BPGM: variants seen among roughly 807,000 people sequenced by gnomAD.
BPGM encodes 2,3-bisphosphoglycerate mutase, erythrocyte.
BPGM carries 15 observed loss-of-function variants against 21.6 expected under a neutral mutation model. The ratio of observed to expected loss-of-function variants is 0.70; its 90% CI spans 0.47 to 1.07. BPGM has a LOEUF of 1.07. Ranked by LOEUF, BPGM falls within the 50% of genes least tolerant of loss-of-function variation. BPGM has a pLI of 0.00. For missense variants in BPGM, 273 were observed against 319.0 expected (o/e 0.86, Z 1.10); for synonymous variants, 113 against 116.2 (o/e 0.97, Z 0.18).
Position 134,661,843 on chromosome 7 carries a change from G to T in BPGM, c.336G>T (p.Val112=). 1 of 1,608,230 alleles carries T rather than the reference G, an allele frequency of 6.2e-7. No individual in the cohort carries two copies. The highest frequency in any genetic ancestry group is 8.5e-7 in the Non-Finnish European group (1 of 1,176,466). Residue 112 remains valine (V), a synonymous_variant, in exon 2 of 3, where the codon GTG becomes GTT. Coordinates refer to ENST00000344924, the MANE Select transcript of BPGM (RefSeq NM_001724.5). This position sits in a 1 kb window ranked among gnomAD's most constrained non-coding sequence, Gnocchi z 4.6. ...QMALNHGEEQ[V]RLWRRSYNVT... ...CTTTGAATCATGGTGAAGAACAAGTGAGGCTCTGGAGAAGAAGCTACAATG... is the reference window on the plus strand; with the variant it reads ...CTTTGAATCATGGTGAAGAACAAGTTAGGCTCTGGAGAAGAAGCTACAATG...
At chr7:134,659,849 G>A (rs1211091765) in intron 1 of BPGM, among the ~76,000 whole-genome samples, 7 of 152,222 alleles carry the variant, frequency 4.6e-5, no homozygotes, top group Admixed American at 4.6e-4. Context: ...CATCTGATAT[G>A]TGGCACTTGA....
At chr7:134,664,345 G>A (rs1455098561) in intron 2 of BPGM, among the ~76,000 whole-genome samples, 1 of 152,092 alleles carries the variant, frequency 6.6e-6, no homozygotes, top group Non-Finnish European at 1.5e-5. Flanking sequence ...GGCTAGCTTC[G>A]GTGTTTGTCG....
intron 1 of BPGM, among the ~76,000 whole-genome samples, chr7:134,656,916 T>C (rs1447253499): frequency 1.3e-5 from 2 of 152,252 alleles, no homozygotes; most frequent in African/African-American, 2.4e-5. Context: ...TCTCTGCCTA[T>C]GAGCCTAGAA....
intron 1 of BPGM, among the ~76,000 whole-genome samples, chr7:134,647,425 T>A (rs891397672): frequency 4.6e-5 from 7 of 152,146 alleles, no homozygotes; most frequent in African/African-American, 1.7e-4. Context: ...TATGCAGTGT[T>A]TTCATGTAGG....
chr7:134,670,783 T>C (rs1193532129), intron 2 of BPGM, among the ~76,000 whole-genome samples: 1 of 152,216 alleles, frequency 6.6e-6, no homozygotes, highest in Admixed American at 6.5e-5. Context: ...CCTTATTAAA[T>C]GAATGAGTTG....
intron 1 of BPGM, among the ~76,000 whole-genome samples, chr7:134,657,900 C>T (rs957459645): frequency 2.6e-5 from 4 of 152,094 alleles, no homozygotes; most frequent in Admixed American, 6.6e-5. Flanking sequence ...GTGGTCCAGA[C>T]GCTTGGGTTC....
intron 1 of BPGM, among the ~76,000 whole-genome samples, chr7:134,656,285 A>G (rs1795637128): frequency 6.6e-6 from 1 of 152,252 alleles, no homozygotes; most frequent in Non-Finnish European, 1.5e-5. Context: ...GCTATGGAGC[A>G]CTTGAAATGT....
chr7:134,655,937 C>T (rs1025872008), intron 1 of BPGM, among the ~76,000 whole-genome samples: 5 of 152,202 alleles, frequency 3.3e-5, no homozygotes, highest in African/African-American at 1.2e-4. Flanking sequence ...AGGGATCCAT[C>T]GCAAGTGCAC....
intron 2 of BPGM, among the ~76,000 whole-genome samples, chr7:134,671,704 G>C (rs1363933294): frequency 6.6e-6 from 1 of 152,114 alleles, no homozygotes; most frequent in African/African-American, 2.4e-5. Context: ...TATGTAAAAA[G>C]TAGATTCACA....
At chr7:134,647,824 C>G (rs948392463) in intron 1 of BPGM, among the ~76,000 whole-genome samples, 1 of 152,160 alleles carries the variant, frequency 6.6e-6, no homozygotes, top group East Asian at 1.9e-4. Flanking sequence ...AACGGAGTCT[C>G]GCTCTGTCGC....
At chr7:134,659,738 G>A (rs1795700385) in intron 1 of BPGM, among the ~76,000 whole-genome samples, 1 of 152,174 alleles carries the variant, frequency 6.6e-6, no homozygotes, top group Admixed American at 6.5e-5. Flanking sequence ...AACTGCTGTA[G>A]CCTTTCAACT....
intron 2 of BPGM, among the ~76,000 whole-genome samples, chr7:134,666,334 A>G (rs1434224235): frequency 6.6e-6 from 1 of 152,184 alleles, no homozygotes; most frequent in African/African-American, 2.4e-5. Context: ...CTTCAGTAGG[A>G]AGTATGTGAA....
chr7:134,661,923 A>T lies in BPGM; in HGVS notation c.416A>T (p.Asp139Val). The T allele has an allele frequency of 1.2e-6, 2 of 1,613,384 alleles. No individual in the cohort carries two copies. The highest frequency in any genetic ancestry group is 1.7e-6 in the Non-Finnish European group (2 of 1,179,408). The change falls in exon 2 of 3, where the codon GAC becomes GTC. Residue 139 changes from aspartate to valine, a missense_variant. Physicochemically the swap from Asp to Val is radical, Grantham distance 152. Coordinates refer to ENST00000344924, the MANE Select transcript of BPGM (RefSeq NM_001724.5). The surrounding 1 kb of genome is among the most constrained non-coding windows in gnomAD (Gnocchi z 4.6). ...CCTTACTACCAAGAAATCTACAACGACCGGAGGTATAAAGTATGCGATGTG... is the reference window on the plus strand; with the variant it reads ...CCTTACTACCAAGAAATCTACAACGTCCGGAGGTATAAAGTATGCGATGTG... ...SHPYYQEIYN[D>V]RRYKVCDVPL... is the part of the protein sequence containing the mutation.
rs529841898 is a variant in BPGM, at chr7:134,661,490, G to T, written c.-18G>T. On this transcript the variant is annotated 5_prime_UTR_variant, in exon 2 of 3. Coordinates refer to ENST00000344924, the MANE Select transcript of BPGM (RefSeq NM_001724.5). This position sits in a 1 kb window ranked among gnomAD's most constrained non-coding sequence, Gnocchi z 4.6. Reference sequence around the variant, plus strand: ...ATATTAGCCCATTTGAAAACGCCTGGGAAGTTCAGCCATCAGTATGTCCAA... The same window carrying T: ...ATATTAGCCCATTTGAAAACGCCTGTGAAGTTCAGCCATCAGTATGTCCAA... The T allele has an allele frequency of 1.9e-6, 3 of 1,613,974 alleles. No homozygotes were observed. The highest frequency in any genetic ancestry group is 2.7e-5 in the African/African-American group (2 of 74,992).
chr7:134,679,063 A>G lies in BPGM; in HGVS notation c.*32A>G. ...TCAACTGTTGGCTAAGAAGAAATGC[A>G]AAAGAAGTGGCATAGGAGTGTGTTA... On this transcript the variant is annotated 3_prime_UTR_variant, in exon 3 of 3. Transcript: ENST00000344924. The G allele has an allele frequency of 6.2e-7, 1 of 1,608,734 alleles. No individual in the cohort carries two copies. The highest frequency in any genetic ancestry group is 8.5e-7 in the Non-Finnish European group (1 of 1,175,618).
At chr7:134,670,841 C>T (rs1795892577) in intron 2 of BPGM, among the ~76,000 whole-genome samples, 1 of 152,028 alleles carries the variant, frequency 6.6e-6, no homozygotes, top group African/African-American at 2.4e-5. Flanking sequence ...GTATACACTA[C>T]CGAATTGGGG....
chr7:134,675,269 T>A (rs1397960144), intron 2 of BPGM, among the ~76,000 whole-genome samples: 2 of 152,166 alleles, frequency 1.3e-5, no homozygotes, highest in Non-Finnish European at 1.5e-5. Flanking sequence ...TATACCCAGT[T>A]TATTTTTTTC....
chr7:134,664,956 A>G (rs1201585131), intron 2 of BPGM, among the ~76,000 whole-genome samples: 1 of 152,170 alleles, frequency 6.6e-6, no homozygotes, highest in Non-Finnish European at 1.5e-5. Flanking sequence ...AGATTTTGCA[A>G]GTGATTTGCT....
chr7:134,658,890 G>GTTTTTTTTTTTTTTTTTTT (rs1284887799), intron 1 of BPGM, among the ~76,000 whole-genome samples: 2 of 137,816 alleles, frequency 1.5e-5, no homozygotes, highest in African/African-American at 2.7e-5. Flanking sequence ...GTGTGTGTGT[G>GTTTTTTTTTTTTTTTTTTT]TATTTTTTTT....
Sources: allele counts gnomAD v4.1 joint callset (sites outside exome capture counted in the v4.1 genomes callset), GRCh38; gene constraint gnomAD v4.1.1; non-coding constraint Gnocchi (gnomAD v3.1); transcripts MANE v1.5; gene names NCBI Gene and HGNC (gene_info 2026-07-23, HGNC 2026-07-21).